The following LRP2 variants were observed in gnomAD, a reference collection of about 807,000 sequenced individuals.
The protein encoded by LRP2 is LDL receptor related protein 2, also known as low-density lipoprotein receptor-related protein 2.
Under a neutral mutation model 531.0 loss-of-function variants are expected in LRP2, and 172 were observed. That is an observed-to-expected ratio of 0.32 (90% CI 0.29 to 0.37). The LOEUF (loss-of-function observed/expected upper bound fraction) is 0.37, where lower values mean the gene tolerates loss of function less well. LRP2 is among the 10% of genes least tolerant of loss of function. The probability of loss-of-function intolerance (pLI) is 1.00; values close to 1 mark genes in which losing one functional copy is unlikely to be tolerated. For missense variants in LRP2, 5,167 were observed against 5,868.3 expected, an observed-to-expected ratio of 0.88 and a Z score of 3.90; for synonymous variants, 1,992 against 2,027.6, an observed-to-expected ratio of 0.98 and a Z score of 0.47.
chr2:169,311,870 G>T (rs1230304060), intron 3 of LRP2, among the ~76,000 whole-genome samples: 2 of 152,172 alleles, frequency 1.3e-5, no homozygotes, highest in Admixed American at 6.5e-5. Context: ...CTTGCTTTAT[G>T]AATCTGGGTG....
At chr2:169,157,248 A>G (rs773808503) in intron 64 of LRP2, 123 bp downstream of exon 64, 9 of 1,070,858 alleles carry the variant, frequency 8.4e-6, no homozygotes, top group Non-Finnish European at 8.1e-6. Context: ...ACCTAGAACC[A>G]TGAAACCATG....
chr2:169,254,740 T>TG (rs777328031), intron 19 of LRP2, among the ~76,000 whole-genome samples: 21 of 151,658 alleles, frequency 1.4e-4, no homozygotes, highest in Non-Finnish European at 2.8e-4. Context: ...CAAATTTTTT[T>TG]CATACTGATG....
intron 3 of LRP2, among the ~76,000 whole-genome samples, 153 bp downstream of exon 3, chr2:169,318,609 C>T (rs938407900): frequency 6.6e-6 from 1 of 152,206 alleles, no homozygotes; most frequent in Non-Finnish European, 1.5e-5. Context: ...TATCATCCAA[C>T]CCCTGAATGA....
chr2:169,309,454 T>C, intron 3 of LRP2, among the ~76,000 whole-genome samples: 1 of 152,246 alleles, frequency 6.6e-6, no homozygotes, highest in Non-Finnish European at 1.5e-5. Context: ...CTAGCCAGTT[T>C]TCCCAACACC....
At chr2:169,277,332 T>C (rs897238117) in intron 13 of LRP2, among the ~76,000 whole-genome samples, 2 of 152,102 alleles carry the variant, frequency 1.3e-5, no homozygotes, top group African/African-American at 4.8e-5. Context: ...TAAAATCCAA[T>C]TAATTCCCAG....
chr2:169,145,798 G>C lies in LRP2; in HGVS notation c.12937C>G (p.Pro4313Ala), dbSNP rs1427929037. ...GKKEKTLVVN[P>A]WLTQVRIFHQ... ...AAGATTCGAACTTGAGTGAGCCAAG[G>C]GTTCACTACCAGCGTTTTCTCTTTC... The change falls in exon 70 of 79, where the codon CCT (proline) becomes GCT (alanine). Residue 4313 changes from proline to alanine, a missense_variant. Coordinates refer to ENST00000649046, the MANE Select transcript of LRP2 (RefSeq NM_004525.3). 2 of 1,614,040 alleles carry C rather than the reference G, an allele frequency of 1.2e-6. No individual in the cohort carries two copies. Among genetic ancestry groups the C allele is most frequent in the Non-Finnish European group, 1.7e-6 (2 of 1,179,982 alleles).
intron 75 of LRP2, among the ~76,000 whole-genome samples, chr2:169,138,047 C>T (rs546012884): frequency 2.6e-5 from 4 of 152,102 alleles, no homozygotes; most frequent in Non-Finnish European, 5.9e-5. Flanking sequence ...TATTATTTTA[C>T]CTGTTTTACA....
intron 34 of LRP2, 112 bp downstream of exon 34, chr2:169,220,342 T>A: frequency 1.3e-6 from 1 of 781,828 alleles, no homozygotes; most frequent in African/African-American, 1.7e-5. Flanking sequence ...TTTCAAATGT[T>A]GACATATGAA....
chr2:169,294,034 TCTC>T (rs1213264975), intron 6 of LRP2, 111 bp downstream of exon 6: 7 of 761,320 alleles, frequency 9.2e-6, no homozygotes, highest in Middle Eastern at 2.3e-4. Flanking sequence ...TAGTGACTCT[TCTC>T]CTTGAAAAAA....
chr2:169,237,189 G>C lies in LRP2; in HGVS notation c.4605C>G (p.Val1535=). 6.2e-7 allele frequency: 1 copy of C among 1,613,662 alleles called. No individual in the cohort carries two copies. Among genetic ancestry groups the C allele is most frequent in the Non-Finnish European group, 8.5e-7 (1 of 1,179,638 alleles). The change falls in exon 28 of 79, where the codon GTC becomes GTG. Residue 1535 remains valine (V), a synonymous_variant. Coordinates refer to ENST00000649046, the MANE Select transcript of LRP2 (RefSeq NM_004525.3). Reference sequence around the variant, plus strand: ...TCCTGTGGCTCCCATCAATTTTGGAGACTTCAATTGTTTCCAGAGCATAGT... The same window carrying C: ...TCCTGTGGCTCCCATCAATTTTGGACACTTCAATTGTTTCCAGAGCATAGT... The part of the protein sequence containing the change: ...WTDYALETIE[V]SKIDGSHRTV...
chr2:169,209,715 C>A, intron 37 of LRP2, 74 bp from the exon 38 acceptor site: 2 of 1,409,996 alleles, frequency 1.4e-6, no homozygotes, highest in South Asian at 1.2e-5. Flanking sequence ...CCCTTCCTCT[C>A]AAACCCTCAT....
In LRP2 at chr2:169,181,458, C is replaced by A. The variant is rs774287149; in HGVS notation, c.10159G>T (p.Gly3387Cys). Residue 3387 changes from glycine to cysteine, a missense_variant, in exon 52 of 79, where the codon GGT becomes TGT. Gly to Cys is a radical substitution (Grantham distance 159, BLOSUM62 -3). Coordinates refer to ENST00000649046, the MANE Select transcript of LRP2 (RefSeq NM_004525.3). ...DLLYWADAHL[G>C]YIEYSDLEGH... Reference sequence around the variant, plus strand: ...TTTCTATGTACGTACTCTATGTAACCCAGGTGGGCATCTGCCCAGTAGAGT... The same window carrying A: ...TTTCTATGTACGTACTCTATGTAACACAGGTGGGCATCTGCCCAGTAGAGT... 22 of 1,613,908 alleles carry A rather than the reference C, an allele frequency of 1.4e-5. No homozygotes were observed. The highest frequency in any genetic ancestry group is 1.9e-5 in the Non-Finnish European group (22 of 1,179,800).
intron 1 of LRP2, among the ~76,000 whole-genome samples, chr2:169,326,425 C>G (rs1167093605): frequency 6.6e-6 from 1 of 151,784 alleles, no homozygotes; most frequent in Non-Finnish European, 1.5e-5. Context: ...ACTGTGTTGG[C>G]CGGGCTGGTC....
intron 24 of LRP2, among the ~76,000 whole-genome samples, chr2:169,242,251 T>C (rs915881247): frequency 1.3e-5 from 2 of 152,174 alleles, no homozygotes; most frequent in African/African-American, 4.8e-5. Flanking sequence ...TTTTTGCAAG[T>C]CTAAAATCCA....
intron 22 of LRP2, 139 bp from the exon 23 acceptor site, chr2:169,243,661 A>G (rs1250087599): frequency 4.1e-6 from 4 of 976,930 alleles, no homozygotes; most frequent in Admixed American, 1.7e-5. Context: ...CAGCCACACT[A>G]TCAAAGTCAG....
rs182830132 is a variant in LRP2 at position 169,310,490 on chromosome 2, T to C, written c.311-3093A>G. Among the ~76,000 whole-genome samples, 18 of 152,350 alleles carry C rather than the reference T, an allele frequency of 1.2e-4. No individual in the cohort carries two copies. The East Asian group carries it at 3.3e-3, about 28-fold the overall frequency. On this transcript the variant is annotated intron_variant, in intron 3 of 78. Coordinates refer to ENST00000649046, the MANE Select transcript of LRP2 (RefSeq NM_004525.3). ...GTTTTTGTCTTTGGTTCTGTTTATA[T>C]GATGGATTACGCTTATTGATTTGCG...
chr2:169,360,378 G>A (rs1223950130), intron 1 of LRP2, among the ~76,000 whole-genome samples: 1 of 152,038 alleles, frequency 6.6e-6, no homozygotes, highest in Non-Finnish European at 1.5e-5. Context: ...TTAGAACAAA[G>A]CCTGCCACAT....
intron 14 of LRP2, among the ~76,000 whole-genome samples, chr2:169,273,569 G>T (rs890888063): frequency 1.2e-4 from 18 of 152,116 alleles, no homozygotes; most frequent in African/African-American, 4.3e-4. Flanking sequence ...TTATTCAGCA[G>T]CTAAACAGCT....
Position 169,257,299 on chromosome 2 carries a change from A to G in LRP2, c.2514-50T>C, listed in dbSNP as rs570648036. 19 of 1,592,064 alleles carry G rather than the reference A, an allele frequency of 1.2e-5. No homozygotes were observed. In the South Asian group the frequency reaches 2.0e-4, roughly 17 times the overall value. Reference sequence around the variant, plus strand: ...GGCTGTTAACACTGGGACAAACTACATGACTTCCAGAGATTTAGAACAAAC... The same window carrying G: ...GGCTGTTAACACTGGGACAAACTACGTGACTTCCAGAGATTTAGAACAAAC... On this transcript the variant is annotated intron_variant, in intron 17 of 78. Coordinates refer to ENST00000649046, the MANE Select transcript of LRP2 (RefSeq NM_004525.3).
Sources: gnomAD v4.1 joint callset for allele counts (sites outside exome capture counted in the v4.1 genomes callset) on GRCh38, gnomAD v4.1.1 for gene constraint, MANE v1.5 for transcripts, NCBI Gene and HGNC (gene_info 2026-07-23, HGNC 2026-07-21) for gene names.